Variants in CASTOR2 observed in about 807,000 individuals in gnomAD.
CASTOR2 encodes GATS protein like 2.
A neutral mutation model predicts 31.2 loss-of-function variants in CASTOR2; 8 were observed. The ratio of observed to expected loss-of-function variants is 0.26; its 90% confidence interval spans 0.15 to 0.46. The LOEUF (loss-of-function observed/expected upper bound fraction) is 0.46. Ranked by LOEUF, CASTOR2 falls within the 20% of genes least tolerant of loss-of-function variation. The pLI is 0.99. For missense variants in CASTOR2, 216 were observed against 382.1 expected, an observed-to-expected ratio of 0.57 and a Z score of 3.62; for synonymous variants, 162 against 158.7, an observed-to-expected ratio of 1.02 and a Z score of -0.16.
At chr7:75,021,262 G>T (rs964472479) in intron 6 of CASTOR2, among the ~76,000 whole-genome samples, 9 of 152,172 alleles carry the variant, frequency 5.9e-5, no homozygotes, top group Non-Finnish European at 8.8e-5. Context: ...AAAGTGCTGG[G>T]ATTACCGGCG....
chr7:75,012,670 G>A (rs1186984753), intron 2 of CASTOR2, among the ~76,000 whole-genome samples: 17 of 146,090 alleles, frequency 1.2e-4, no homozygotes, highest in Middle Eastern at 4.1e-3. Context: ...ATGGAGTCTC[G>A]CTCTGTTGTC....
rs587749723 is a variant in CASTOR2 at position 74,973,208 on chromosome 7, A to G, written c.113+8110A>G. On this transcript the variant is annotated intron_variant, in intron 1 of 8. Transcript: ENST00000616305. ...GCAAGTTGCTTGACCTCTCTGTGCT[A>G]TGTTTCTTACCTGTAAAACAGAGAT... is the stretch of plus-strand genomic sequence containing the variant. 5.0e-3 allele frequency among the ~76,000 whole-genome samples: 754 copies of G among 150,300 alleles called. 22 individuals carry two copies. Among genetic ancestry groups the G allele is most frequent in the South Asian group, 0.032 (150 of 4,750 alleles).
rs1467436203 is a variant in CASTOR2, at chr7:75,006,184, T to G, written c.114-1810T>G. Among the ~76,000 whole-genome samples, 30 of 152,272 alleles carry G rather than the reference T, an allele frequency of 2.0e-4. 1 individual carries two copies. The highest frequency in any genetic ancestry group is 7.2e-4 in the African/African-American group (30 of 41,552). On this transcript the variant is annotated intron_variant, in intron 1 of 8. Coordinates refer to ENST00000616305, the MANE Select transcript of CASTOR2 (RefSeq NM_001145064.3). Reference sequence around the variant, plus strand: ...CTGTAGTTCCAGCTACTCAGGAGACTGAGGCAGGGGGATTGCTTGAGCCCA... The same window carrying G: ...CTGTAGTTCCAGCTACTCAGGAGACGGAGGCAGGGGGATTGCTTGAGCCCA...
chr7:75,001,706 T>C (rs1804501186), intron 1 of CASTOR2, among the ~76,000 whole-genome samples: 2 of 152,212 alleles, frequency 1.3e-5, no homozygotes, highest in African/African-American at 4.8e-5. Flanking sequence ...GAGTGTTGAT[T>C]CCATGCCCAG....
chr7:75,017,979 C>CT lies in CASTOR2; in HGVS notation c.379-9dup. On this transcript the variant is annotated splice_polypyrimidine_tract_variant and intron_variant, in intron 3 of 8. Coordinates refer to ENST00000616305, the MANE Select transcript of CASTOR2 (RefSeq NM_001145064.3). ...CACCAGGCACACACGGCCTCAACTT[C>CT]TTGCCCCTAGGTGCGCGAGCGGGAC... The CT allele has an allele frequency of 6.2e-7, 1 of 1,614,226 alleles. No individual in the cohort carries two copies. Among genetic ancestry groups the CT allele is most frequent in the Non-Finnish European group, 8.5e-7 (1 of 1,180,044 alleles).
In CASTOR2 at chr7:75,024,422, C is replaced by T. The variant is rs1258954247; in HGVS notation, c.830-18C>T. The T allele has an allele frequency of 6.4e-5, 99 of 1,551,414 alleles. No homozygotes were observed. Among genetic ancestry groups the T allele is most frequent in the Middle Eastern group, 1.7e-4 (1 of 5,986 alleles). On this transcript the variant is annotated intron_variant, in intron 7 of 8. Coordinates refer to ENST00000616305, the MANE Select transcript of CASTOR2 (RefSeq NM_001145064.3). ...AGCCAGGTTACACAGAGGCTAAGGA[C>T]GGTCTCTCCTGTTCTAGATGAGTGT...
intron 2 of CASTOR2, among the ~76,000 whole-genome samples, chr7:75,012,059 A>G (rs1554439513): frequency 6.6e-6 from 1 of 152,172 alleles, no homozygotes; most frequent in Non-Finnish European, 1.5e-5. Flanking sequence ...GTGAGTGACA[A>G]CCAAGCCAGG....
chr7:74,994,840 T>C (rs1357376845), intron 1 of CASTOR2, among the ~76,000 whole-genome samples: 2 of 151,262 alleles, frequency 1.3e-5, no homozygotes, highest in African/African-American at 2.4e-5. Flanking sequence ...ACCACGGTGG[T>C]TGGAAGCCCA....
chr7:75,018,956 C>T lies in CASTOR2; in HGVS notation c.512-16C>T. 5 of 1,551,902 alleles carry T rather than the reference C, an allele frequency of 3.2e-6. No homozygotes were observed. The highest frequency in any genetic ancestry group is 4.4e-6 in the Non-Finnish European group (5 of 1,146,982). ...CAGTCCCAGCCTCAGTGCCTGACAT[C>T]TTTGTGCTCTTACAGTCCAGAGGCC... On this transcript the variant is annotated splice_polypyrimidine_tract_variant and intron_variant, in intron 4 of 8. Coordinates refer to ENST00000616305, the MANE Select transcript of CASTOR2 (RefSeq NM_001145064.3).
chr7:75,017,871 G>A (rs1770775366), intron 3 of CASTOR2, 80 bp downstream of exon 3: 2 of 1,613,648 alleles, frequency 1.2e-6, no homozygotes, highest in Non-Finnish European at 1.7e-6. Context: ...ACCCCTTGCA[G>A]CCTTGCCCTT....
At chr7:75,005,227 C>T (rs1425314223) in intron 1 of CASTOR2, among the ~76,000 whole-genome samples, 19 of 152,144 alleles carry the variant, frequency 1.2e-4, no homozygotes, top group African/African-American at 4.3e-4. Context: ...GCCCATCCCC[C>T]CAGAATTTCC....
chr7:75,000,771 T>G (rs1804476579), intron 1 of CASTOR2, among the ~76,000 whole-genome samples: 1 of 151,956 alleles, frequency 6.6e-6, no homozygotes, highest in African/African-American at 2.4e-5. Flanking sequence ...CAATTCTGCA[T>G]CAGCCTCCCG....
At chr7:74,973,238 A>G (rs1803720627) in intron 1 of CASTOR2, among the ~76,000 whole-genome samples, 1 of 149,808 alleles carries the variant, frequency 6.7e-6, no homozygotes, top group African/African-American at 2.4e-5. Context: ...AGAGATGATG[A>G]TCATGCCTGT....
At chr7:75,001,424 T>C (rs1204468880) in intron 1 of CASTOR2, among the ~76,000 whole-genome samples, 2 of 152,166 alleles carry the variant, frequency 1.3e-5, no homozygotes, top group Non-Finnish European at 2.9e-5. Flanking sequence ...CACTGGGTAC[T>C]TTCTGGCATT....
chr7:75,028,328 C>T lies in CASTOR2; in HGVS notation c.*3629C>T, dbSNP rs1221722986. 2.6e-5 allele frequency among the ~76,000 whole-genome samples: 4 copies of T among 152,016 alleles called. No homozygotes were observed. Among genetic ancestry groups the T allele is most frequent in the Non-Finnish European group, 5.9e-5 (4 of 67,994 alleles). ...TAGAGACGGGGTTTCACCATGTTGG[C>T]CACGCTGGTCTTGAACTCCTGACCT... On this transcript the variant is annotated 3_prime_UTR_variant, in exon 9 of 9. Coordinates refer to ENST00000616305, the MANE Select transcript of CASTOR2 (RefSeq NM_001145064.3).
intron 1 of CASTOR2, among the ~76,000 whole-genome samples, chr7:74,972,604 T>C (rs1803701280): frequency 6.7e-6 from 1 of 149,906 alleles, no homozygotes; most frequent in Non-Finnish European, 1.5e-5. Flanking sequence ...TGGCCTGCAC[T>C]GGGTCATTCG....
intron 1 of CASTOR2, among the ~76,000 whole-genome samples, chr7:74,992,019 A>G (rs1270243231): frequency 6.6e-6 from 1 of 152,012 alleles, no homozygotes; most frequent in Non-Finnish European, 1.5e-5. Flanking sequence ...GACAGCAGGG[A>G]TGAAAAAGGC....
At chr7:74,993,070 C>G (rs1339702403) in intron 1 of CASTOR2, among the ~76,000 whole-genome samples, 2 of 151,728 alleles carry the variant, frequency 1.3e-5, no homozygotes, top group South Asian at 2.1e-4. Flanking sequence ...TGTGGTGGCA[C>G]GCGCCTGTAG....
intron 1 of CASTOR2, among the ~76,000 whole-genome samples, chr7:74,990,031 G>T (rs1804168469): frequency 1.3e-5 from 2 of 151,818 alleles, no homozygotes; most frequent in South Asian, 4.2e-4. Context: ...GCTGAGTTTG[G>T]GGTTAAAAAA....
Sources: allele counts gnomAD v4.1 joint callset (sites outside exome capture counted in the v4.1 genomes callset), GRCh38; gene constraint gnomAD v4.1.1; transcripts MANE v1.5; gene names NCBI Gene and HGNC (gene_info 2026-07-23, HGNC 2026-07-21).